SYT1: variants seen among roughly 807,000 people sequenced by gnomAD.
The protein encoded by SYT1 is synaptotagmin-1.
Under a neutral mutation model 44.8 loss-of-function variants are expected in SYT1, and 8 were observed. The observed-to-expected ratio is 0.18, with a 90% CI of 0.10 to 0.32. The LOEUF is 0.32. SYT1 is among the 10% of genes least tolerant of loss of function. SYT1 has a pLI of 1.00. For missense variants in SYT1, 286 were observed against 509.3 expected (o/e 0.56, Z 4.22); for synonymous variants, 154 against 188.8 (o/e 0.82, Z 1.51).
At chr12:79,021,596 T>C (rs1156785718) in intron 2 of SYT1, among the ~76,000 whole-genome samples, 1 of 151,792 alleles carries the variant, frequency 6.6e-6, no homozygotes, top group Non-Finnish European at 1.5e-5. Flanking sequence ...AAAAGAACCA[T>C]AGCATCATAC....
At chr12:79,065,934 T>C (rs1592716753) in intron 3 of SYT1, among the ~76,000 whole-genome samples, 1 of 151,944 alleles carries the variant, frequency 6.6e-6, no homozygotes, top group African/African-American at 2.4e-5. Flanking sequence ...GTGCCCTAGA[T>C]AGAGTGAAAA....
chr12:78,878,580 A>C (rs1415829900), intron 1 of SYT1, among the ~76,000 whole-genome samples: 4 of 151,774 alleles, frequency 2.6e-5, no homozygotes, highest in Non-Finnish European at 5.9e-5. Context: ...ACTCAAAAAT[A>C]GTTAAAGTAC....
chr12:79,431,507 TA>T (rs1217803101), intron 9 of SYT1, among the ~76,000 whole-genome samples: 7 of 108,334 alleles, frequency 6.5e-5, no homozygotes, highest in Admixed American at 1.1e-4. Context: ...TATTTTATTT[TA>T]TTTTATTATT....
intron 1 of SYT1, among the ~76,000 whole-genome samples, chr12:78,960,062 G>C (rs1242610480): frequency 6.6e-6 from 1 of 151,914 alleles, no homozygotes; most frequent in Non-Finnish European, 1.5e-5. Flanking sequence ...TTAAATTCTT[G>C]GTTTTTTAAA....
intron 3 of SYT1, among the ~76,000 whole-genome samples, chr12:79,163,622 A>G (rs1229659528): frequency 5.9e-5 from 9 of 152,106 alleles, no homozygotes; most frequent in Admixed American, 2.0e-4. Context: ...AAGCCTGTCT[A>G]CACTGAAAAC....
chr12:78,915,690 TTC>T (rs1876612626), intron 1 of SYT1, among the ~76,000 whole-genome samples: 1 of 152,020 alleles, frequency 6.6e-6, no homozygotes, highest in Non-Finnish European at 1.5e-5. Flanking sequence ...CTTACAATAT[TTC>T]TTTTTTTTCT....
chr12:78,998,699 C>A (rs967976174), intron 2 of SYT1, among the ~76,000 whole-genome samples: 1 of 152,064 alleles, frequency 6.6e-6, no homozygotes, highest in Non-Finnish European at 1.5e-5. Context: ...TTGTGATCTC[C>A]GATTTGTTTA....
intron 1 of SYT1, among the ~76,000 whole-genome samples, chr12:78,898,249 A>G (rs1420484878): frequency 6.6e-6 from 1 of 152,024 alleles, no homozygotes; most frequent in African/African-American, 2.4e-5. Context: ...GTGACTTAAT[A>G]AATATCAATA....
chr12:78,931,824 C>T (rs17046043), intron 1 of SYT1, among the ~76,000 whole-genome samples: 13,814 of 152,164 alleles, frequency 0.091, 722 homozygotes, highest in East Asian at 0.18. Context: ...CAGATGGCTT[C>T]TCTAATCTAA....
At chr12:79,349,503 A>G (rs61499396) in intron 8 of SYT1, among the ~76,000 whole-genome samples, 4,743 of 152,252 alleles carry the variant, frequency 0.031, 229 homozygotes, top group African/African-American at 0.11. Flanking sequence ...GAGTTAAAAG[A>G]GTTTGCCCCA....
chr12:79,017,197 G>A (rs1244735410), intron 2 of SYT1, among the ~76,000 whole-genome samples: 3 of 152,104 alleles, frequency 2.0e-5, no homozygotes, highest in African/African-American at 2.4e-5. Context: ...AGAAAAATAT[G>A]ACTTCAGATC....
chr12:78,897,197 C>A (rs1211165805), intron 1 of SYT1, among the ~76,000 whole-genome samples: 1 of 151,832 alleles, frequency 6.6e-6, no homozygotes, highest in Admixed American at 6.6e-5. Context: ...AGCTTTTATA[C>A]ATGTTTTATT....
At chr12:79,439,062 G>A (rs192233559) in intron 9 of SYT1, among the ~76,000 whole-genome samples, 2 of 152,224 alleles carry the variant, frequency 1.3e-5, no homozygotes, top group Non-Finnish European at 2.9e-5. Context: ...TAAACCTCAA[G>A]CCTGAGGGAT....
In SYT1 at chr12:79,235,608, T is replaced by C. The variant is rs371064586; in HGVS notation, c.166+17923T>C. Among the ~76,000 whole-genome samples the C allele has an allele frequency of 4.0e-5, 6 of 148,668 alleles. 1 individual carries two copies. Among genetic ancestry groups the C allele is most frequent in the Admixed American group, 3.4e-4 (5 of 14,838 alleles). ...AGAGAATATTCATTTCATATATAGA[T>C]ATAAATATATATGTAATTAATATAT... On this transcript the variant is annotated intron_variant, in intron 4 of 10. Coordinates refer to ENST00000261205, the MANE Select transcript of SYT1 (RefSeq NM_005639.3).
chr12:79,339,291 G>A (rs1423077593), intron 8 of SYT1, among the ~76,000 whole-genome samples: 3 of 152,186 alleles, frequency 2.0e-5, no homozygotes, highest in Non-Finnish European at 4.4e-5. Flanking sequence ...CACCAACAGT[G>A]TAAAAGTGTT....
intron 8 of SYT1, among the ~76,000 whole-genome samples, chr12:79,304,875 G>A (rs977102224): frequency 5.3e-5 from 8 of 151,900 alleles, no homozygotes; most frequent in African/African-American, 2.4e-5. Context: ...GTATCTCTGC[G>A]TCCATATCAT....
intron 4 of SYT1, among the ~76,000 whole-genome samples, chr12:79,267,462 C>T (rs1250963564): frequency 6.6e-6 from 1 of 152,004 alleles, no homozygotes; most frequent in African/African-American, 2.4e-5. Flanking sequence ...CAAGAGCTGC[C>T]TATTGTGAAG....
At chr12:79,266,389 G>A (rs1022790521) in intron 4 of SYT1, among the ~76,000 whole-genome samples, 1 of 148,266 alleles carries the variant, frequency 6.7e-6, no homozygotes, top group Admixed American at 6.8e-5. Context: ...TCTTTTGGGA[G>A]CAATGTCTTA....
intron 3 of SYT1, among the ~76,000 whole-genome samples, chr12:79,136,114 T>C (rs1869175150): frequency 6.6e-6 from 1 of 152,228 alleles, no homozygotes; most frequent in Admixed American, 6.5e-5. Flanking sequence ...CGTGGATTTT[T>C]AGATTTAACA....
Sources: gnomAD v4.1 joint callset for allele counts (sites outside exome capture counted in the v4.1 genomes callset) on GRCh38, gnomAD v4.1.1 for gene constraint, MANE v1.5 for transcripts, NCBI Gene and HGNC (gene_info 2026-07-23, HGNC 2026-07-21) for gene names.